The following USP12 variants were observed in gnomAD, a reference collection of about 807,000 sequenced individuals.
The protein encoded by USP12 is ubiquitin specific peptidase 12.
Under a neutral mutation model 45.5 loss-of-function variants are expected in USP12, and 19 were observed. The observed-to-expected ratio is 0.42, with a 90% CI of 0.29 to 0.61. USP12 has a LOEUF of 0.61. Ranked by LOEUF, USP12 falls within the 20% of genes least tolerant of loss-of-function variation. The pLI is 0.22. For missense variants in USP12, 242 were observed against 447.7 expected (o/e 0.54, Z 4.15); for synonymous variants, 149 against 148.8 (o/e 1.00, Z -0.01).
chr13:27,155,108 A>G (rs1348550170), intron 1 of USP12, among the ~76,000 whole-genome samples: 5 of 101,990 alleles, frequency 4.9e-5, no homozygotes, highest in East Asian at 3.0e-4. Context: ...TTGAGACGGA[A>G]CCTCGCTCTG....
intron 3 of USP12, among the ~76,000 whole-genome samples, chr13:27,102,669 A>T (rs111644794): frequency 3.2e-4 from 49 of 152,316 alleles, no homozygotes; most frequent in African/African-American, 1.1e-3. Context: ...AATCAGGGAC[A>T]TTTCCCAATG....
At chr13:27,088,082 G>T (rs573781750) in intron 6 of USP12, among the ~76,000 whole-genome samples, 1 of 152,322 alleles carries the variant, frequency 6.6e-6, no homozygotes, top group South Asian at 2.1e-4. Context: ...AACAGTAATG[G>T]GAGGTTCAGA....
chr13:27,123,577 A>C (rs1876096209), intron 1 of USP12, among the ~76,000 whole-genome samples: 1 of 152,220 alleles, frequency 6.6e-6, no homozygotes, highest in Non-Finnish European at 1.5e-5. Flanking sequence ...GAGACCCAGT[A>C]GGAGGTAACT....
chr13:27,091,660 A>T (rs1406064211), intron 4 of USP12, among the ~76,000 whole-genome samples: 1 of 152,206 alleles, frequency 6.6e-6, no homozygotes, highest in African/African-American at 2.4e-5. Flanking sequence ...TCATCAGCAC[A>T]TGTGATAATA....
At chr13:27,085,300 C>G (rs1873961201) in intron 6 of USP12, among the ~76,000 whole-genome samples, 1 of 152,064 alleles carries the variant, frequency 6.6e-6, no homozygotes, top group Non-Finnish European at 1.5e-5. Context: ...CTTGCCTTAG[C>G]CTCCAGAGTA....
In USP12 at chr13:27,090,218, T is replaced by C; in HGVS notation, c.574-60A>G. On this transcript the variant is annotated intron_variant, in intron 4 of 8. Transcript: ENST00000282344. The stretch of plus-strand genomic sequence containing the variant: ...AATACTAGTAAACCACAGTTCCCAA[T>C]TAACAGAATTAAATGCCATTCTATT... 3 of 1,353,204 alleles carry C rather than the reference T, an allele frequency of 2.2e-6. No homozygotes were observed. In the South Asian group the frequency reaches 4.1e-5, roughly 18 times the overall value. 83.8% of individuals were successfully genotyped at this position (1,353,204 alleles called of 1,614,324 possible).
At chr13:27,171,131 G>A (rs1010127266) in intron 1 of USP12, among the ~76,000 whole-genome samples, 2 of 149,534 alleles carry the variant, frequency 1.3e-5, no homozygotes, top group African/African-American at 2.5e-5. Context: ...CGCGCGACCA[G>A]AAGGAAATGG....
At chr13:27,148,358 A>T (rs75534289) in intron 1 of USP12, among the ~76,000 whole-genome samples, 3,662 of 135,020 alleles carry the variant, frequency 0.027, 161 homozygotes, top group African/African-American at 0.089. Context: ...AATTGATTTA[A>T]AAAGCAACTG....
chr13:27,083,561 C>G (rs1181410878), intron 6 of USP12, among the ~76,000 whole-genome samples: 1 of 152,142 alleles, frequency 6.6e-6, no homozygotes, highest in Non-Finnish European at 1.5e-5. Flanking sequence ...CTTTAACCTC[C>G]CATGGGATAA....
At chr13:27,084,384 T>C (rs1243453777) in intron 6 of USP12, among the ~76,000 whole-genome samples, 7 of 150,896 alleles carry the variant, frequency 4.6e-5, no homozygotes, top group Admixed American at 4.6e-4. Context: ...CGCACACCTG[T>C]AGTCCCAGCT....
chr13:27,087,008 T>C (rs1013525896), intron 6 of USP12, among the ~76,000 whole-genome samples: 5 of 152,156 alleles, frequency 3.3e-5, no homozygotes, highest in Non-Finnish European at 7.3e-5. Flanking sequence ...CCTCCCTTAA[T>C]GAACAACTCA....
In USP12 at chr13:27,153,201, C is replaced by A. The variant is rs1877662757; in HGVS notation, c.48+18391G>T. Among the ~76,000 whole-genome samples, 3 of 151,980 alleles carry A rather than the reference C, an allele frequency of 2.0e-5. No homozygotes were observed. In the South Asian group the frequency reaches 6.2e-4, roughly 32 times the overall value. On this transcript the variant is annotated intron_variant, in intron 1 of 8. Transcript: ENST00000282344. ...TACAAAAATTAGCCAGGTGTGGTGG[C>A]AGGCACCTGTAATACCAGCTACTTG...
Position 27,105,825 on chromosome 13 carries a change from G to A in USP12, c.249C>T (p.Cys83=), listed in dbSNP as rs935126372. Reference sequence around the variant, plus strand: ...CTATGCTATGGAAGAGATCTGCTAAGCATGTAAGAAGGCTCTCCTTTTTCC... The same window carrying A: ...CTATGCTATGGAAGAGATCTGCTAAACATGTAAGAAGGCTCTCCTTTTTCC... The part of the protein sequence containing the change: ...QPRKKESLLT[C]LADLFHSIAT... Residue 83 remains cysteine, a synonymous_variant, in exon 3 of 9, where the codon TGC becomes TGT. Transcript: ENST00000282344. 1.1e-5 allele frequency: 17 copies of A among 1,613,732 alleles called. No homozygotes were observed. The highest frequency in any genetic ancestry group is 1.7e-5 in the Admixed American group (1 of 59,998).
chr13:27,099,021 G>A (rs1258785948), intron 3 of USP12, among the ~76,000 whole-genome samples: 1 of 152,154 alleles, frequency 6.6e-6, no homozygotes, highest in Non-Finnish European at 1.5e-5. Flanking sequence ...ATCACCTGAG[G>A]TCAGGAGTTC....
At chr13:27,073,513 T>C (rs1009922543) in intron 7 of USP12, among the ~76,000 whole-genome samples, 1 of 151,692 alleles carries the variant, frequency 6.6e-6, no homozygotes, top group Non-Finnish European at 1.5e-5. Flanking sequence ...AAGAGTTGGG[T>C]TAATTTTAAA....
At chr13:27,132,898 G>C (rs1325920972) in intron 1 of USP12, among the ~76,000 whole-genome samples, 1 of 152,180 alleles carries the variant, frequency 6.6e-6, no homozygotes, top group Admixed American at 6.5e-5. Context: ...CACTCTGAAG[G>C]GGACAGAAAG....
At chr13:27,078,679 TGAA>T (rs1873604997) in intron 6 of USP12, among the ~76,000 whole-genome samples, 1 of 151,284 alleles carries the variant, frequency 6.6e-6, no homozygotes, top group Non-Finnish European at 1.5e-5. Context: ...TTCATAATAA[TGAA>T]GGTCAATTAA....
At chr13:27,139,552 G>A (rs1392098154) in intron 1 of USP12, among the ~76,000 whole-genome samples, 1 of 152,146 alleles carries the variant, frequency 6.6e-6, no homozygotes, top group Non-Finnish European at 1.5e-5. Context: ...GGAGGCGGAG[G>A]CTGCAGTGAG....
At position 27,089,189 on chromosome 13, in the gene USP12, A is replaced by G. The variant is rs1593178134; in HGVS notation, c.734+694T>C. On this transcript the variant is annotated intron_variant, in intron 6 of 8. Transcript: ENST00000282344. ...TTCTTCTATAAAGGACATTACCGGT[A>G]CATCCTGTGATACCAAAATAAGGTT... Among the ~76,000 whole-genome samples the G allele has an allele frequency of 3.3e-5, 5 of 152,382 alleles. No homozygotes were observed. In the South Asian group the frequency reaches 8.3e-4, roughly 25 times the overall value.
Sources: allele counts gnomAD v4.1 joint callset (sites outside exome capture counted in the v4.1 genomes callset), GRCh38; gene constraint gnomAD v4.1.1; transcripts MANE v1.5; gene names NCBI Gene and HGNC (gene_info 2026-07-23, HGNC 2026-07-21).